The following PARP10 variants were observed in gnomAD, a reference collection of about 807,000 sequenced individuals.
PARP10 encodes poly(ADP-ribose) polymerase family member 10.
PARP10 carries 56 observed loss-of-function variants against 82.4 expected under a neutral mutation model. The ratio of observed to expected loss-of-function variants is 0.68; its 90% CI spans 0.55 to 0.85. The LOEUF (loss-of-function observed/expected upper bound fraction) is 0.85, where lower values mean the gene tolerates loss of function less well. Among genes scored for constraint, PARP10 ranks in the 40% least tolerant of loss-of-function variants. The pLI, the probability that PARP10 is intolerant of heterozygous loss-of-function variation, is 0.00. For synonymous variants in PARP10, 576 were observed against 601.1 expected, an observed-to-expected ratio of 0.96 and a Z score of 0.61; for missense variants, 1,227 against 1,379.4, an observed-to-expected ratio of 0.89 and a Z score of 1.75.
chr8:143,990,994 C>T (rs1554750329), upstream of PARP10: 1 of 380,392 alleles, frequency 2.6e-6, no homozygotes, highest in African/African-American at 2.1e-5. This position sits in a 1 kb window ranked among gnomAD's most constrained non-coding sequence, Gnocchi z 5.6. Flanking sequence ...GGCCTAGAGC[C>T]CTGGGAAGGC....
At chr8:143,999,906 C>G (rs1436235626) in intron 1 of PARP10, among the ~76,000 whole-genome samples, 1 of 151,948 alleles carries the variant, frequency 6.6e-6, no homozygotes, top group Non-Finnish European at 1.5e-5. Context: ...GGATAGAGAA[C>G]AAAGTATAAG....
chr8:143,990,332 G>C (rs1158069036), upstream of PARP10: 4 of 150,648 alleles, frequency 2.7e-5, no homozygotes, highest in East Asian at 5.8e-4. This position sits in a 1 kb window ranked among gnomAD's most constrained non-coding sequence, Gnocchi z 5.6. Flanking sequence ...TGGTCCGGCC[G>C]GGGCGCGCGG....
At chr8:143,984,158 C>T (rs942626349) in intron 6 of PARP10, 52 bp downstream of exon 6, 2 of 1,579,412 alleles carry the variant, frequency 1.3e-6, no homozygotes, top group Non-Finnish European at 1.7e-6. Flanking sequence ...CAGAGGAGGC[C>T]TGGGGCAGAG....
chr8:143,982,844 G>A (rs1329596837), intron 9 of PARP10, 88 bp downstream of exon 9: 29 of 1,553,454 alleles, frequency 1.9e-5, no homozygotes, highest in Admixed American at 8.8e-5. Flanking sequence ...TGATGTAGGC[G>A]AGAGGGACAG....
chr8:143,990,916 C>T, upstream of PARP10: 1 of 198,070 alleles, frequency 5.0e-6, no homozygotes. This position sits in a 1 kb window ranked among gnomAD's most constrained non-coding sequence, Gnocchi z 5.6. Context: ...TTGTGAGAAA[C>T]GACCCAAGCC....
chr8:143,992,829 C>A (rs139058041), upstream of PARP10: 780 of 1,613,404 alleles, frequency 4.8e-4, no homozygotes, highest in Non-Finnish European at 6.1e-4. Flanking sequence ...TCATTGGCCG[C>A]GCCAAGGAGT....
At chr8:143,994,785 C>G (rs890677152), upstream of PARP10, among the ~76,000 whole-genome samples, 2 of 152,220 alleles carry the variant, frequency 1.3e-5, no homozygotes, top group African/African-American at 4.8e-5. Flanking sequence ...CCCACCTCCC[C>G]TTCCGGCTAT....
rs376377278 is a variant in PARP10 at position 143,986,348 on chromosome 8, C to A, written c.2+10G>T. The A allele has an allele frequency of 6.2e-7, 1 of 1,614,178 alleles. No individual in the cohort carries two copies. The highest frequency in any genetic ancestry group is 1.1e-5 in the South Asian group (1 of 91,090). On this transcript the variant is annotated intron_variant, in intron 1 of 10. Transcript: ENST00000313028. ...CCCCCATTATGGGTGGCCCCACATA[C>A]AGCACTTACATTCCCCGTGGCCGCT...
chr8:143,980,630 C>G (rs1554747519), intron 9 of PARP10, among the ~76,000 whole-genome samples: 1 of 151,958 alleles, frequency 6.6e-6, no homozygotes, highest in African/African-American at 2.4e-5. Flanking sequence ...AGCACCCACT[C>G]AAGGAGATAC....
rs1833927260 is a variant in PARP10 at position 143,984,058 on chromosome 8, G to T, written c.1727C>A (p.Thr576Asn). The change falls in exon 7 of 11, where the codon ACC becomes AAC. Residue 576 changes from threonine to asparagine, a missense_variant. By Grantham distance (65) the Thr-to-Asn change is moderately conservative (BLOSUM62 0). Coordinates refer to ENST00000313028, the MANE Select transcript of PARP10 (RefSeq NM_032789.5). ...ALPVLPGNAH[T>N]LWTPDSTGGD... is the part of the protein sequence containing the mutation. ...ACCTGTACTGTCTGGGGTCCACAGG[G>T]TGTGGGCGTTGCCAGGGAGCACTGG... 9 of 1,546,768 alleles carry T rather than the reference G, an allele frequency of 5.8e-6. No individual in the cohort carries two copies. The highest frequency in any genetic ancestry group is 1.4e-5 in the African/African-American group (1 of 72,866).
upstream of PARP10, among the ~76,000 whole-genome samples, chr8:143,994,426 C>G (rs1255489018): frequency 1.3e-5 from 2 of 152,166 alleles, no homozygotes; most frequent in African/African-American, 4.8e-5. Flanking sequence ...TCTGAAACAT[C>G]AATCACATCC....
Position 143,977,824 on chromosome 8 carries a change from A to C in PARP10, c.2738T>G (p.Val913Gly). 2 of 1,599,086 alleles carry C rather than the reference A, an allele frequency of 1.3e-6. No homozygotes were observed. The highest frequency in any genetic ancestry group is 1.7e-6 in the Non-Finnish European group (2 of 1,173,104). ...NRSFCGRNAT[V>G]YGKGVYFARR... ...GGCGAAATACACGCCCTTCCCGTAG[A>C]CCGTGGCTGCAGGGCGAGACGGGGC... The change falls in exon 11 of 11, where the codon GTC (valine) becomes GGC (glycine). Residue 913 changes from valine (V) to glycine (G), a missense_variant. Transcript: ENST00000313028.
chr8:143,983,818 G>C lies in PARP10; in HGVS notation c.1778-7C>G, dbSNP rs1554748454. The C allele has an allele frequency of 6.4e-7, 1 of 1,564,982 alleles. No homozygotes were observed. The highest frequency in any genetic ancestry group is 1.4e-5 in the African/African-American group (1 of 73,398). On this transcript the variant is annotated splice_region_variant and splice_polypyrimidine_tract_variant and intron_variant, in intron 7 of 10. Transcript: ENST00000313028. ...AGCAGTTCTCGGACCTCCTCTGGGG[G>C]CAGGGAGAGGCCATTGGGTCAGGGG...
At chr8:143,982,146 C>T (rs1380282508) in intron 9 of PARP10, among the ~76,000 whole-genome samples, 3 of 152,132 alleles carry the variant, frequency 2.0e-5, no homozygotes, top group Non-Finnish European at 2.9e-5. Context: ...GCTGGCCCCA[C>T]GCACAACTTT....
upstream of PARP10, chr8:143,991,393 A>C: frequency 2.7e-6 from 3 of 1,128,280 alleles, no homozygotes; most frequent in Non-Finnish European, 3.7e-6. Flanking sequence ...CAGCCAGGGT[A>C]CCCCCATGGC....
At chr8:143,990,922 A>G (rs1834081709), upstream of PARP10, 3 of 206,042 alleles carry the variant, frequency 1.5e-5, no homozygotes, top group Admixed American at 6.0e-5. This position sits in a 1 kb window ranked among gnomAD's most constrained non-coding sequence, Gnocchi z 5.6. Context: ...GAAACGACCC[A>G]AGCCCCAAAT....
upstream of PARP10, chr8:143,991,143 G>A: frequency 1.1e-6 from 1 of 935,166 alleles, no homozygotes; most frequent in Non-Finnish European, 1.6e-6. Context: ...CGCAGGGCTG[G>A]GTCCCGACGC....
rs935069502 is a variant in PARP10 at position 143,984,093 on chromosome 8, G to T, written c.1692C>A (p.Thr564=). ...TGCCAGGGAGCACTGGGAGGGCCTC[G>T]GTAGGGTCCACCTGTAGGGAGAGGA... The part of the protein sequence containing the change: ...LDTGLEEVDP[T]EALPVLPGNA... The change falls in exon 7 of 11, where the codon ACC becomes ACA. Residue 564 remains threonine (T), a synonymous_variant. Transcript: ENST00000313028. The T allele has an allele frequency of 1.3e-6, 2 of 1,554,826 alleles. No individual in the cohort carries two copies. The highest frequency in any genetic ancestry group is 1.9e-5 in the Admixed American group (1 of 52,692).
At chr8:143,994,022 G>A (rs1834142181), upstream of PARP10, among the ~76,000 whole-genome samples, 1 of 152,212 alleles carries the variant, frequency 6.6e-6, no homozygotes, top group African/African-American at 2.4e-5. Context: ...CTCCTGCAGG[G>A]GGTCCCTCCA....
Sources: allele counts gnomAD v4.1 joint callset (sites outside exome capture counted in the v4.1 genomes callset), GRCh38; gene constraint gnomAD v4.1.1; non-coding constraint Gnocchi (gnomAD v3.1); transcripts MANE v1.5; gene names NCBI Gene and HGNC (gene_info 2026-07-23, HGNC 2026-07-21).